DDR2: variants seen among roughly 807,000 people sequenced by gnomAD.
DDR2 encodes the protein discoidin domain-containing receptor 2.
Under a neutral mutation model 94.9 loss-of-function variants are expected in DDR2, and 27 were observed. The ratio of observed to expected loss-of-function variants is 0.28; its 90% CI spans 0.21 to 0.39. The LOEUF is 0.39. Ranked by LOEUF, DDR2 falls within the 10% of genes least tolerant of loss-of-function variation. The probability of loss-of-function intolerance (pLI) is 1.00; values close to 1 mark genes in which losing one functional copy is unlikely to be tolerated. For synonymous variants in DDR2, 382 were observed against 377.2 expected (o/e 1.01, Z -0.15); for missense variants, 783 against 1,076.0 (o/e 0.73, Z 3.81).
At chr1:162,748,068 G>A (rs1263649294) in intron 3 of DDR2, among the ~76,000 whole-genome samples, 3 of 152,160 alleles carry the variant, frequency 2.0e-5, no homozygotes, top group Non-Finnish European at 2.9e-5. Context: ...AAACACCATC[G>A]ATGCTAGGAA....
intron 4 of DDR2, among the ~76,000 whole-genome samples, chr1:162,753,582 C>T (rs1345299315): frequency 1.3e-5 from 2 of 152,188 alleles, no homozygotes; most frequent in African/African-American, 4.8e-5. Context: ...ATCCACTCCT[C>T]TTCTCAGTGG....
At chr1:162,716,326 C>T (rs1661166495) in intron 2 of DDR2, among the ~76,000 whole-genome samples, 1 of 152,154 alleles carries the variant, frequency 6.6e-6, no homozygotes, top group African/African-American at 2.4e-5. Context: ...CCAAGTCAGT[C>T]CTGGGCCTCA....
chr1:162,772,618 T>A (rs1045744564), intron 13 of DDR2, among the ~76,000 whole-genome samples: 2 of 152,164 alleles, frequency 1.3e-5, no homozygotes, highest in African/African-American at 4.8e-5. Context: ...AGCCACTTTG[T>A]TTTTTTCCCC....
chr1:162,714,340 G>A (rs188948510), intron 2 of DDR2, among the ~76,000 whole-genome samples: 22 of 151,972 alleles, frequency 1.4e-4, no homozygotes, highest in Admixed American at 1.4e-3. Flanking sequence ...ATTTGTGCAG[G>A]CCTTCCTTAT....
rs1353165884 is a variant in DDR2 at position 162,738,085 on chromosome 1, T to C, written c.83-15010T>C. ...CCTCTCTCACCGCTCCTATTCAACA[T>C]TGTGTTGGAAGTTCTGGCCAGGGCA... On this transcript the variant is annotated intron_variant, in intron 3 of 17. Transcript: ENST00000367921. 3.3e-5 allele frequency among the ~76,000 whole-genome samples: 5 copies of C among 149,790 alleles called. No homozygotes were observed. In the Admixed American group the frequency reaches 3.3e-4, roughly 10 times the overall value.
chr1:162,685,308 G>C (rs1659633200), intron 2 of DDR2, among the ~76,000 whole-genome samples: 2 of 152,146 alleles, frequency 1.3e-5, no homozygotes, highest in Admixed American at 6.5e-5. Flanking sequence ...AATGAAATGG[G>C]ACAGTGGGTG....
At chr1:162,770,732 T>C in intron 12 of DDR2, 1 of 676,408 alleles carries the variant, frequency 1.5e-6, no homozygotes, top group Non-Finnish European at 2.7e-6. Context: ...GGGACCCACA[T>C]ACCAGAAAAG....
intron 12 of DDR2, chr1:162,770,816 C>G: frequency 2.4e-6 from 1 of 420,636 alleles, no homozygotes; most frequent in South Asian, 2.1e-5. Context: ...CCAGTCTAAC[C>G]TCATTTTACA....
intron 3 of DDR2, among the ~76,000 whole-genome samples, chr1:162,737,108 G>A (rs1347532785): frequency 2.9e-5 from 4 of 137,612 alleles, no homozygotes; most frequent in Admixed American, 1.4e-4. Context: ...CTTTTTTTTC[G>A]TTTCTTTTTT....
chr1:162,734,930 A>T (rs537588174), intron 3 of DDR2, among the ~76,000 whole-genome samples: 18 of 152,332 alleles, frequency 1.2e-4, no homozygotes, highest in African/African-American at 4.3e-4. Flanking sequence ...TGATAGAGGA[A>T]CAACGAAGAA....
chr1:162,696,213 TTA>T (rs1491359097), intron 2 of DDR2, among the ~76,000 whole-genome samples: 1,050 of 97,294 alleles, frequency 0.011, 3 homozygotes, highest in Middle Eastern at 0.013. Flanking sequence ...TTTTTTTTTT[TTA>T]AAAAAAAAAC....
intron 2 of DDR2, among the ~76,000 whole-genome samples, chr1:162,660,703 G>A (rs1316341469): frequency 6.6e-6 from 1 of 152,174 alleles, no homozygotes; most frequent in East Asian, 1.9e-4. Context: ...TCCCTCCTGA[G>A]AGTGACACTT....
intron 3 of DDR2, among the ~76,000 whole-genome samples, chr1:162,730,087 C>T (rs1217791597): frequency 6.9e-6 from 1 of 144,014 alleles, no homozygotes. Flanking sequence ...CTAAATGATG[C>T]CATGTGAGAC....
chr1:162,674,226 C>T (rs1022786157), intron 2 of DDR2, among the ~76,000 whole-genome samples: 4 of 152,166 alleles, frequency 2.6e-5, no homozygotes, highest in Admixed American at 6.6e-5. Flanking sequence ...ATTATTCTTT[C>T]GACATATGAG....
At chr1:162,773,429 G>C (rs1236661276) in intron 13 of DDR2, 40 bp from the exon 14 acceptor site, 2 of 1,610,884 alleles carry the variant, frequency 1.2e-6, no homozygotes, top group Admixed American at 3.3e-5. Context: ...GACATCTTCA[G>C]GAGAAATGAT....
intron 1 of DDR2, among the ~76,000 whole-genome samples, chr1:162,648,362 A>G (rs6684509): frequency 0.4 from 60,473 of 152,012 alleles, 12,609 homozygotes; most frequent in African/African-American, 0.51. Flanking sequence ...GGTTCAGTTA[A>G]CAGTGAGGAC....
rs1313450556 is a variant in DDR2 at position 162,712,245 on chromosome 1, C to G, written c.-27-6792C>G. Among the ~76,000 whole-genome samples the G allele has an allele frequency of 2.0e-5, 3 of 149,014 alleles. No individual in the cohort carries two copies. In the Admixed American group the frequency reaches 2.0e-4, roughly 10 times the overall value. On this transcript the variant is annotated intron_variant, in intron 2 of 17. Transcript: ENST00000367921. ...CTGGCTCATCCATGAGCCACATATT[C>G]ATTGAAGTTCTTATAGGTAGGAGCA...
intron 2 of DDR2, among the ~76,000 whole-genome samples, chr1:162,682,183 T>A (rs1006844205): frequency 1.2e-4 from 18 of 152,150 alleles, no homozygotes; most frequent in Non-Finnish European, 2.6e-4. Flanking sequence ...TTGGTGGGCC[T>A]CACTGGAGCT....
At chr1:162,759,070 G>A (rs963868193) in intron 7 of DDR2, among the ~76,000 whole-genome samples, 7 of 152,158 alleles carry the variant, frequency 4.6e-5, no homozygotes, top group African/African-American at 1.7e-4. Flanking sequence ...AGCCTGCTAA[G>A]CTAGAACACA....
Sources: allele counts gnomAD v4.1 joint callset (sites outside exome capture counted in the v4.1 genomes callset), GRCh38; gene constraint gnomAD v4.1.1; transcripts MANE v1.5; gene names NCBI Gene and HGNC (gene_info 2026-07-23, HGNC 2026-07-21).